The following CPO variants were observed in gnomAD, a reference collection of about 807,000 sequenced individuals.
The protein encoded by CPO is carboxypeptidase O, also known as metallocarboxypeptidase C.
In CPO, 43 loss-of-function variants were observed where a neutral mutation model predicts 41.2. That is an observed-to-expected ratio of 1.04 (90% confidence interval 0.82 to 1.35). The LOEUF (loss-of-function observed/expected upper bound fraction) is 1.35. Among genes scored for constraint, CPO ranks in the 40% most tolerant of loss-of-function variants. The probability of loss-of-function intolerance (pLI) is 0.00; values close to 1 mark genes in which losing one functional copy is unlikely to be tolerated. For missense variants in CPO, 408 were observed against 451.7 expected, an observed-to-expected ratio of 0.90 and a Z score of 0.88; for synonymous variants, 178 against 162.7, an observed-to-expected ratio of 1.09 and a Z score of -0.72.
chr2:206,946,726 A>G (rs1693153270), intron 1 of CPO, among the ~76,000 whole-genome samples: 2 of 152,198 alleles, frequency 1.3e-5, no homozygotes. Context: ...AATCAACCAC[A>G]AGAAAGTCTC....
intron 7 of CPO, among the ~76,000 whole-genome samples, chr2:206,962,991 T>C (rs886640345): frequency 6.6e-6 from 1 of 152,238 alleles, no homozygotes; most frequent in African/African-American, 2.4e-5. Flanking sequence ...ACTTGCCAGC[T>C]GTTAGTGGAA....
chr2:206,964,797 A>G (rs1320678141), intron 7 of CPO, among the ~76,000 whole-genome samples: 1 of 152,238 alleles, frequency 6.6e-6, no homozygotes, highest in Non-Finnish European at 1.5e-5. Context: ...ACAAACACAA[A>G]TGAATCTCCG....
At chr2:206,967,980 G>A (rs190445049) in intron 7 of CPO, among the ~76,000 whole-genome samples, 80 of 152,280 alleles carry the variant, frequency 5.3e-4, no homozygotes, top group Admixed American at 1.8e-3. Flanking sequence ...TTTTAGAGAG[G>A]GAATATCAGA....
At chr2:206,941,802 G>C (rs947287581) in intron 1 of CPO, among the ~76,000 whole-genome samples, 2 of 152,042 alleles carry the variant, frequency 1.3e-5, no homozygotes, top group Admixed American at 6.6e-5. Flanking sequence ...AAGATTACAA[G>C]CTTTGTAATA....
chr2:206,958,102 G>A (rs1367472785), intron 3 of CPO, among the ~76,000 whole-genome samples, 199 bp from the exon 4 acceptor site: 9 of 152,152 alleles, frequency 5.9e-5, no homozygotes, highest in Non-Finnish European at 1.3e-4. Flanking sequence ...CAACCATCAA[G>A]GTAACTGGCA....
intron 1 of CPO, among the ~76,000 whole-genome samples, chr2:206,945,965 T>A (rs7576109): frequency 0.82 from 123,282 of 151,096 alleles, 50,303 homozygotes; most frequent in Middle Eastern, 0.88. Flanking sequence ...TTTAAAAAAA[T>A]TTTTTTAAAT....
At chr2:206,964,911 G>T (rs1462301045) in intron 7 of CPO, among the ~76,000 whole-genome samples, 12 of 152,142 alleles carry the variant, frequency 7.9e-5, no homozygotes, top group Admixed American at 7.9e-4. Flanking sequence ...TTCTCTAATT[G>T]GTTCAGGAAA....
intron 7 of CPO, among the ~76,000 whole-genome samples, chr2:206,966,171 C>T (rs985052282): frequency 1.4e-4 from 21 of 148,652 alleles, no homozygotes; most frequent in Non-Finnish European, 2.5e-4. Flanking sequence ...GCAATGATAT[C>T]GGATAAAATA....
rs1693496937 is a variant in CPO, at chr2:206,962,418, G to A, written c.581G>A (p.Gly194Asp). 6.2e-7 allele frequency: 1 copy of A among 1,613,860 alleles called. No homozygotes were observed. Among genetic ancestry groups the A allele is most frequent in the Non-Finnish European group, 8.5e-7 (1 of 1,179,794 alleles). Residue 194 changes from glycine to aspartate, a missense_variant, in exon 7 of 9, where the codon GGT (glycine) becomes GAT (aspartate). Gly to Asp is a moderately conservative substitution (Grantham distance 94, BLOSUM62 -1). Transcript: ENST00000272852. ...GGTTTCTTCCATATTCTAGGTATTG[G>A]TGCCTCTAGAAACTGCCAAGATCAA... ...RNFNASWCSI[G>D]ASRNCQDQTF... is the part of the protein sequence containing the mutation.
intron 2 of CPO, 80 bp downstream of exon 2, chr2:206,949,793 A>G (rs961342081): frequency 1.2e-6 from 1 of 867,672 alleles, no homozygotes; most frequent in East Asian, 2.5e-5. Context: ...CACTAGTAAT[A>G]TCCATGCATT....
intron 1 of CPO, among the ~76,000 whole-genome samples, chr2:206,945,025 T>G (rs1693117563): frequency 6.6e-6 from 1 of 152,160 alleles, no homozygotes; most frequent in Non-Finnish European, 1.5e-5. Context: ...TTTTGAATTG[T>G]ATTTTAACAC....
intron 1 of CPO, among the ~76,000 whole-genome samples, chr2:206,945,957 T>TA (rs200399855): frequency 2.7e-5 from 4 of 146,380 alleles, no homozygotes; most frequent in South Asian, 2.1e-4. Flanking sequence ...AATAAATATT[T>TA]AAAAAAATTT....
At chr2:206,958,745 T>G (rs1302568552) in intron 4 of CPO, among the ~76,000 whole-genome samples, 3 of 144,422 alleles carry the variant, frequency 2.1e-5, no homozygotes, top group African/African-American at 5.1e-5. Flanking sequence ...TTTTTTTTTT[T>G]TTTTTTTTTT....
intron 3 of CPO, among the ~76,000 whole-genome samples, chr2:206,957,236 C>T (rs907711351): frequency 2.0e-5 from 3 of 151,752 alleles, no homozygotes; most frequent in South Asian, 2.1e-4. Flanking sequence ...ATTAGCTGGG[C>T]GTGGTGGCAT....
intron 5 of CPO, 116 bp downstream of exon 5, chr2:206,959,857 A>T: frequency 1.8e-6 from 1 of 541,518 alleles, no homozygotes; most frequent in Non-Finnish European, 3.4e-6. Flanking sequence ...ATGTAAAGAA[A>T]GGAACCCCAT....
chr2:206,965,645 C>G (rs1049290801), intron 7 of CPO, among the ~76,000 whole-genome samples: 18 of 152,108 alleles, frequency 1.2e-4, no homozygotes, highest in Admixed American at 2.6e-4. Flanking sequence ...TCTGCTGCCC[C>G]CACCCCTACT....
In CPO at chr2:206,960,861, T is replaced by C; in HGVS notation, c.493T>C (p.Trp165Arg). 6.2e-7 allele frequency: 1 copy of C among 1,612,666 alleles called. No individual in the cohort carries two copies. The highest frequency in any genetic ancestry group is 8.5e-7 in the Non-Finnish European group (1 of 1,178,674). The change falls in exon 6 of 9, where the codon TGG becomes CGG. Residue 165 changes from tryptophan (W) to arginine (R), a missense_variant. Transcript: ENST00000272852. ...TGTTCCTCTGCTACAGGATCGTCTT[T>C]GGAGGAAATCCCGTTCACCCCATAA... The part of the protein sequence containing the change: ...YIYTWTTDRL[W>R]RKSRSPHNNG...
intron 4 of CPO, among the ~76,000 whole-genome samples, chr2:206,959,259 A>G (rs1693433058): frequency 6.6e-6 from 1 of 152,238 alleles, no homozygotes; most frequent in Non-Finnish European, 1.5e-5. Flanking sequence ...AAACTCATAA[A>G]GAGTAGTTCT....
chr2:206,959,829 T>C, intron 5 of CPO, 88 bp downstream of exon 5: 1 of 609,702 alleles, frequency 1.6e-6, no homozygotes, highest in Middle Eastern at 2.7e-4. Flanking sequence ...ATTCCGGCTC[T>C]AAAAATATTT....
Sources: allele counts gnomAD v4.1 joint callset (sites outside exome capture counted in the v4.1 genomes callset), GRCh38; gene constraint gnomAD v4.1.1; transcripts MANE v1.5; gene names NCBI Gene and HGNC (gene_info 2026-07-23, HGNC 2026-07-21).